SHCBP1: variants seen among roughly 807,000 people sequenced by gnomAD.
The protein encoded by SHCBP1 is SHC binding and spindle associated 1.
Under a neutral mutation model 75.1 loss-of-function variants are expected in SHCBP1, and 60 were observed. That is an observed-to-expected ratio of 0.80 (90% CI 0.65 to 0.99). The LOEUF is 0.99. Ranked by LOEUF, SHCBP1 falls within the 50% of genes least tolerant of loss-of-function variation. SHCBP1 has a pLI of 0.00. For synonymous variants in SHCBP1, 290 were observed against 293.2 expected (o/e 0.99, Z 0.11); for missense variants, 709 against 809.4 (o/e 0.88, Z 1.50).
chr16:46,583,558 T>C lies in SHCBP1; in HGVS notation c.1651A>G (p.Ile551Val), dbSNP rs753064628. The C allele has an allele frequency of 1.2e-5, 20 of 1,610,420 alleles. No individual in the cohort carries two copies. Among genetic ancestry groups the C allele is most frequent in the Non-Finnish European group, 1.6e-5 (19 of 1,179,294 alleles). ...GYGVVLVKPT[I>V]FSDLQENAED... is the part of the protein sequence containing the mutation. ...GCATTTTCTTGCAGGTCAGAGAAGA[T>C]TGTAGGTTTCACCAAGACAACACCA... The change falls in exon 12 of 13, where the codon ATC becomes GTC. Residue 551 changes from isoleucine (I) to valine (V), a missense_variant. Coordinates refer to ENST00000303383, the MANE Select transcript of SHCBP1 (RefSeq NM_024745.5).
chr16:46,618,211 T>A lies in SHCBP1; in HGVS notation c.265A>T (p.Ile89Phe). The A allele has an allele frequency of 1.9e-6, 3 of 1,584,020 alleles. No homozygotes were observed. The highest frequency in any genetic ancestry group is 2.0e-5 in the Admixed American group (1 of 50,972). Residue 89 changes from isoleucine to phenylalanine, a missense_variant, in exon 2 of 13, where the codon ATT becomes TTT. Physicochemically the swap from Ile to Phe is conservative, Grantham distance 21 (BLOSUM62 0). Coordinates refer to ENST00000303383, the MANE Select transcript of SHCBP1 (RefSeq NM_024745.5). ...AAGCAAAAAACCTACTCACCTAAAA[T>A]GTAATCTTGATAGGCTCTGAATCGC... is the stretch of plus-strand genomic sequence containing the variant. ...YERFRAYQDY[I>F]LADCKASEVQ...
At chr16:46,599,288 A>T (rs1295046813) in intron 9 of SHCBP1, among the ~76,000 whole-genome samples, 2 of 152,302 alleles carry the variant, frequency 1.3e-5, no homozygotes, top group African/African-American at 4.8e-5. Flanking sequence ...TAAATTTAAC[A>T]TGAGAGACAT....
intron 4 of SHCBP1, among the ~76,000 whole-genome samples, chr16:46,610,544 A>ATTTTTTTTTTTCTT (rs1965397623): frequency 3.2e-5 from 1 of 31,088 alleles, no homozygotes; most frequent in Non-Finnish European, 5.7e-5. Flanking sequence ...CATGGGGTCA[A>ATTTTTTTTTTTCTT]TTTTTTTTTT....
intron 10 of SHCBP1, among the ~76,000 whole-genome samples, chr16:46,592,695 A>G (rs1965065592): frequency 6.6e-6 from 1 of 151,996 alleles, no homozygotes; most frequent in Admixed American, 6.6e-5. Flanking sequence ...AAAATTTCCT[A>G]ACAAAAGATT....
At chr16:46,613,164 G>A (rs1160878334) in intron 4 of SHCBP1, among the ~76,000 whole-genome samples, 13 of 152,000 alleles carry the variant, frequency 8.6e-5, no homozygotes, top group Admixed American at 8.5e-4. Context: ...ACAGAAAAAT[G>A]TTGTTAAAAA....
intron 4 of SHCBP1, among the ~76,000 whole-genome samples, chr16:46,615,632 C>T (rs1456504805): frequency 6.6e-6 from 1 of 151,898 alleles, no homozygotes; most frequent in East Asian, 1.9e-4. Context: ...CCCAGCTACT[C>T]GAGAGGCTGA....
chr16:46,581,777 G>T lies in SHCBP1; in HGVS notation c.1971C>A (p.Asn657Lys). ...TACCTTTCCCATTCCACTTGAACTG[G>T]TTCCCCACAATCCCAACAAACATCT... Reference protein sequence around the residue: ...SQEMFVGIVGNQFKWNGKGSF... With the variant: ...SQEMFVGIVGKQFKWNGKGSF... The change falls in exon 13 of 13, where the codon AAC (asparagine) becomes AAA (lysine). Residue 657 changes from asparagine (N) to lysine (K), a missense_variant. Asn to Lys is a moderately conservative substitution (Grantham distance 94). Coordinates refer to ENST00000303383, the MANE Select transcript of SHCBP1 (RefSeq NM_024745.5). The T allele has an allele frequency of 6.2e-7, 1 of 1,614,114 alleles. No homozygotes were observed. The highest frequency in any genetic ancestry group is 2.2e-5 in the East Asian group (1 of 44,874).
intron 10 of SHCBP1, among the ~76,000 whole-genome samples, chr16:46,592,951 CAAA>C: frequency 1.5e-3 from 35 of 22,776 alleles, no homozygotes; most frequent in East Asian, 5.1e-3. Context: ...TAAAAATTCT[CAAA>C]AAAAAAAAAA....
chr16:46,613,291 G>A (rs1965447836), intron 4 of SHCBP1, among the ~76,000 whole-genome samples: 1 of 152,138 alleles, frequency 6.6e-6, no homozygotes, highest in African/African-American at 2.4e-5. Flanking sequence ...TTGCACCACT[G>A]TACTCCAGCC....
chr16:46,589,428 T>C (rs1022123097), intron 10 of SHCBP1, among the ~76,000 whole-genome samples: 26 of 152,168 alleles, frequency 1.7e-4, no homozygotes, highest in Non-Finnish European at 4.4e-5. Context: ...GAAAACCCCA[T>C]CGTCTCAGCC....
intron 10 of SHCBP1, among the ~76,000 whole-genome samples, chr16:46,588,931 T>G (rs921142222): frequency 3.9e-5 from 6 of 152,200 alleles, no homozygotes; most frequent in African/African-American, 1.4e-4. Context: ...AATAAAATAC[T>G]GGCAAACCGA....
At position 46,581,508 on chromosome 16, in the gene SHCBP1, A is replaced by G; in HGVS notation, c.*221T>C. ...AGAAAGCAAGACTTTCAGATAAGCA[A>G]TCTCCAAATATTTTCTATTTTATAT... On this transcript the variant is annotated 3_prime_UTR_variant, in exon 13 of 13. Transcript: ENST00000303383. The G allele has an allele frequency of 4.1e-6, 2 of 493,652 alleles. No individual in the cohort carries two copies. The highest frequency in any genetic ancestry group is 7.1e-6 in the Non-Finnish European group (2 of 281,342). 30.6% of individuals were successfully genotyped at this position (493,652 alleles called of 1,614,324 possible).
chr16:46,605,076 C>T (rs1965305068), intron 5 of SHCBP1, among the ~76,000 whole-genome samples: 1 of 151,970 alleles, frequency 6.6e-6, no homozygotes, highest in African/African-American at 2.4e-5. Flanking sequence ...AAAAATAAGC[C>T]CTTGAGATTC....
Position 46,621,326 on chromosome 16 carries a change from C to A in SHCBP1, c.34G>T (p.Glu12Ter). 6.2e-7 allele frequency: 1 copy of A among 1,611,472 alleles called. No homozygotes were observed. The highest frequency in any genetic ancestry group is 8.5e-7 in the Non-Finnish European group (1 of 1,179,224). Residue 12 changes from glutamate to a stop codon, truncating the protein, a stop_gained, in exon 1 of 13, where the codon GAG becomes TAG. Coordinates refer to ENST00000303383, the MANE Select transcript of SHCBP1 (RefSeq NM_024745.5). LOFTEE classifies it high-confidence loss of function. ...CGCTCCGGCGCCATGGCCGCTGCCT[C>A]CAGACCGCCGCCCGTCAGCGACCCG... is the stretch of plus-strand genomic sequence containing the variant. ...ADGSLTGGGL[E>*]AAAMAPERMG... is the part of the protein sequence containing the mutation.
intron 1 of SHCBP1, among the ~76,000 whole-genome samples, chr16:46,619,575 A>G (rs1320124911): frequency 6.6e-6 from 1 of 152,222 alleles, no homozygotes; most frequent in Non-Finnish European, 1.5e-5. Flanking sequence ...ATCCACTTCA[A>G]TTAAGAAGAT....
At chr16:46,600,121 T>C (rs771653646) in intron 8 of SHCBP1, among the ~76,000 whole-genome samples, 159 bp from the exon 9 acceptor site, 2 of 152,204 alleles carry the variant, frequency 1.3e-5, no homozygotes, top group Non-Finnish European at 2.9e-5. Context: ...ACATATCCTG[T>C]TTAATTTAAA....
intron 10 of SHCBP1, among the ~76,000 whole-genome samples, chr16:46,589,245 C>T (rs924668770): frequency 2.0e-5 from 3 of 152,162 alleles, no homozygotes; most frequent in East Asian, 1.9e-4. Context: ...GGAAGCATTC[C>T]CTTTGAAAAC....
Position 46,596,364 on chromosome 16 carries a change from G to T in SHCBP1, c.1346-694C>A, listed in dbSNP as rs566372313. Among the ~76,000 whole-genome samples the T allele has an allele frequency of 1.6e-4, 24 of 151,912 alleles. No homozygotes were observed. In the East Asian group the frequency reaches 2.6e-3, roughly 16 times the overall value. ...CTACTAAAAAACACAAAAATTAGCC[G>T]AGCGTGGTGGTGGGCACCTGTAATC... On this transcript the variant is annotated intron_variant, in intron 9 of 12. Coordinates refer to ENST00000303383, the MANE Select transcript of SHCBP1 (RefSeq NM_024745.5).
In SHCBP1 at chr16:46,604,464, G is replaced by A; in HGVS notation, c.690-3C>T. On this transcript the variant is annotated splice_polypyrimidine_tract_variant and splice_region_variant and intron_variant, in intron 5 of 12. Coordinates refer to ENST00000303383, the MANE Select transcript of SHCBP1 (RefSeq NM_024745.5). ...GGTCTTCAAGAATGTCATAATGCCT[G>A]AAAGTTTAAAAGCAAAGTGAAATCC... is the stretch of plus-strand genomic sequence containing the variant. 1.3e-6 allele frequency: 2 copies of A among 1,598,838 alleles called. No homozygotes were observed. The highest frequency in any genetic ancestry group is 8.6e-7 in the Non-Finnish European group (1 of 1,167,366).
Sources: gnomAD v4.1 joint callset for allele counts (sites outside exome capture counted in the v4.1 genomes callset) on GRCh38, gnomAD v4.1.1 for gene constraint, MANE v1.5 for transcripts, NCBI Gene and HGNC (gene_info 2026-07-23, HGNC 2026-07-21) for gene names.